The following CCDC77 variants were observed in gnomAD, a reference collection of about 807,000 sequenced individuals.
CCDC77 encodes coiled-coil domain-containing protein 77.
A neutral mutation model predicts 66.8 loss-of-function variants in CCDC77; 56 were observed. The observed-to-expected ratio is 0.84, with a 90% CI of 0.68 to 1.05. CCDC77 has a LOEUF of 1.05. Ranked by LOEUF, CCDC77 falls within the 50% of genes least tolerant of loss-of-function variation. CCDC77 has a pLI of 0.00. For missense variants in CCDC77, 570 were observed against 576.8 expected (o/e 0.99, Z 0.12); for synonymous variants, 196 against 195.2 (o/e 1.00, Z -0.03).
upstream of CCDC77, among the ~76,000 whole-genome samples, chr12:401,121 C>T (rs979142509): frequency 5.3e-5 from 8 of 152,148 alleles, no homozygotes; most frequent in East Asian, 1.9e-4. Flanking sequence ...TACATTTCTC[C>T]GGAAAAGGAA....
At chr12:413,526 A>ATTT (rs1945158053) in intron 4 of CCDC77, among the ~76,000 whole-genome samples, 1 of 149,412 alleles carries the variant, frequency 6.7e-6, no homozygotes, top group African/African-American at 2.6e-5. Flanking sequence ...GGCATGAGCC[A>ATTT]CTGCGCCCGG....
chr12:437,455 AG>A (rs1253322370), intron 9 of CCDC77, among the ~76,000 whole-genome samples: 1 of 152,232 alleles, frequency 6.6e-6, no homozygotes, highest in East Asian at 1.9e-4. Flanking sequence ...TTATAAGACA[AG>A]GGAACATTAA....
At chr12:398,916 T>C (rs1019683133), upstream of CCDC77, among the ~76,000 whole-genome samples, 2 of 151,932 alleles carry the variant, frequency 1.3e-5, no homozygotes, top group African/African-American at 4.8e-5. Flanking sequence ...CACTCCTGGC[T>C]AGTTTTTGTA....
intron 10 of CCDC77, among the ~76,000 whole-genome samples, chr12:439,131 C>T (rs776701885): frequency 2.6e-5 from 4 of 152,068 alleles, no homozygotes; most frequent in Non-Finnish European, 5.9e-5. Flanking sequence ...ATGGGTTAGG[C>T]CCTAGAGTTA....
chr12:423,596 G>C (rs182478179), intron 5 of CCDC77, among the ~76,000 whole-genome samples: 86 of 147,040 alleles, frequency 5.8e-4, no homozygotes, highest in African/African-American at 2.1e-3. Context: ...CCCAGGCTCA[G>C]ATGATCCCCC....
intron 2 of CCDC77, among the ~76,000 whole-genome samples, chr12:408,466 G>A (rs1272686834): frequency 6.6e-6 from 1 of 152,120 alleles, no homozygotes; most frequent in Non-Finnish European, 1.5e-5. Context: ...AGCATCAGTG[G>A]CTTTATATTC....
chr12:401,497 A>C (rs983285724), upstream of CCDC77: 3 of 152,244 alleles, frequency 2.0e-5, no homozygotes, highest in East Asian at 5.8e-4. Context: ...GGTCGGGAGC[A>C]CCGCGAGGAG....
At chr12:406,406 CT>C (rs2137538418) in intron 2 of CCDC77, among the ~76,000 whole-genome samples, 1 of 152,244 alleles carries the variant, frequency 6.6e-6, no homozygotes, top group Non-Finnish European at 1.5e-5. Context: ...AGAAGTGTGC[CT>C]GGCACGTTTG....
chr12:406,072 C>T (rs566422367), intron 2 of CCDC77, among the ~76,000 whole-genome samples: 4 of 152,154 alleles, frequency 2.6e-5, no homozygotes, highest in South Asian at 2.1e-4. Context: ...CATGTGCCAC[C>T]ACATCTGGCT....
At chr12:407,727 T>G (rs1945022131) in intron 2 of CCDC77, among the ~76,000 whole-genome samples, 14 of 150,738 alleles carry the variant, frequency 9.3e-5, no homozygotes, top group Admixed American at 8.0e-4. Flanking sequence ...GAAGTAACAG[T>G]GGTGATTATC....
intron 1 of CCDC77, among the ~76,000 whole-genome samples, chr12:402,089 GA>G (rs1402061998): frequency 2.6e-5 from 4 of 152,102 alleles, no homozygotes; most frequent in East Asian, 1.9e-4. Context: ...GTGGCTAAAA[GA>G]AAAAAATTCA....
intron 4 of CCDC77, among the ~76,000 whole-genome samples, 159 bp downstream of exon 4, chr12:412,137 A>G (rs1264516371): frequency 1.3e-5 from 2 of 152,176 alleles, no homozygotes; most frequent in South Asian, 2.1e-4. Flanking sequence ...TCCTTGGATC[A>G]TAACCCCCAA....
intron 2 of CCDC77, among the ~76,000 whole-genome samples, chr12:408,330 T>A (rs997494102): frequency 1.3e-5 from 2 of 152,186 alleles, no homozygotes; most frequent in African/African-American, 4.8e-5. Context: ...TAAGGTTGCT[T>A]AAAGTACAGG....
At chr12:439,291 G>A (rs11062986) in intron 10 of CCDC77, among the ~76,000 whole-genome samples, 45,103 of 151,762 alleles carry the variant, frequency 0.3, 8,426 homozygotes, top group Non-Finnish European at 0.42. Context: ...AGGCCAAGGC[G>A]GGTGGATCAC....
At chr12:403,800 T>C (rs890171141) in intron 1 of CCDC77, among the ~76,000 whole-genome samples, 6 of 152,160 alleles carry the variant, frequency 3.9e-5, no homozygotes, top group Non-Finnish European at 7.4e-5. Flanking sequence ...CCTATTTTAA[T>C]TGTTTTTTGA....
chr12:425,011 A>G (rs2137588865), intron 5 of CCDC77, among the ~76,000 whole-genome samples: 1 of 148,026 alleles, frequency 6.8e-6, no homozygotes, highest in East Asian at 2.0e-4. Flanking sequence ...GCTCACTGCA[A>G]CCTCCACCTC....
rs150049843 is a variant in CCDC77, at chr12:442,008, C to A, written c.*88C>A. ...GTCATCTGCTGCCAGAAAATGTAAA[C>A]CTGAGTTGACTAGAGTGGTGGTATT... On this transcript the variant is annotated 3_prime_UTR_variant, in exon 13 of 13. Transcript: ENST00000239830. 26 of 1,371,880 alleles carry A rather than the reference C, an allele frequency of 1.9e-5. No individual in the cohort carries two copies. The highest frequency in any genetic ancestry group is 2.5e-5 in the Non-Finnish European group (24 of 974,514). 85.0% of individuals were successfully genotyped at this position (1,371,880 alleles called of 1,614,324 possible).
intron 4 of CCDC77, among the ~76,000 whole-genome samples, chr12:415,687 C>T (rs934326398): frequency 4.6e-5 from 7 of 151,928 alleles, no homozygotes; most frequent in Non-Finnish European, 7.4e-5. Flanking sequence ...GGCTGGAGTG[C>T]AGTGGTGCGA....
upstream of CCDC77, among the ~76,000 whole-genome samples, chr12:399,803 G>A (rs918499391): frequency 6.6e-6 from 1 of 152,108 alleles, no homozygotes; most frequent in African/African-American, 2.4e-5. Flanking sequence ...AATTCTTAAG[G>A]GCTCTAGGAT....
Sources: gnomAD v4.1 joint callset for allele counts (sites outside exome capture counted in the v4.1 genomes callset) on GRCh38, gnomAD v4.1.1 for gene constraint, MANE v1.5 for transcripts, NCBI Gene and HGNC (gene_info 2026-07-23, HGNC 2026-07-21) for gene names.